Variants in CECR2 observed in about 807,000 individuals in gnomAD.
CECR2 encodes chromatin remodeling regulator CECR2.
Under a neutral mutation model 154.5 loss-of-function variants are expected in CECR2, and 30 were observed. The ratio of observed to expected loss-of-function variants is 0.19; its 90% CI spans 0.15 to 0.26. The LOEUF is 0.26. Among genes scored for constraint, CECR2 ranks in the 10% least tolerant of loss-of-function variants. The pLI, the probability that CECR2 is intolerant of heterozygous loss-of-function variation, is 1.00. For synonymous variants in CECR2, 725 were observed against 683.7 expected, an observed-to-expected ratio of 1.06 and a Z score of -0.94; for missense variants, 1,743 against 1,829.3, an observed-to-expected ratio of 0.95 and a Z score of 0.86.
rs35473694 is a variant in CECR2, at chr22:17,449,483, C to CTTTTTT, written c.127-28086_127-28081dup. ...CCGCACATCTAATTGGTAACCAGTTCTTTTTTTTTTTTTTTTTTTTTTTTG... is the reference window on the plus strand; with the variant it reads ...CCGCACATCTAATTGGTAACCAGTTCTTTTTTTTTTTTTTTTTTTTTTTTTTTTTTG... On this transcript the variant is annotated intron_variant, in intron 1 of 18. Coordinates refer to ENST00000262608, the MANE Select transcript of CECR2 (RefSeq NM_001290047.2). Among the ~76,000 whole-genome samples the CTTTTTT allele has an allele frequency of 5.0e-3, 359 of 71,452 alleles. 30 individuals carry two copies. Among genetic ancestry groups the CTTTTTT allele is most frequent in the African/African-American group, 0.014 (230 of 16,960 alleles). The allele number at this position is 71,452 out of a possible 152,430, so 46.9% of individuals were successfully genotyped here. A position where few individuals can be genotyped will look rare whatever the true frequency, so the allele number is the denominator to read the frequency against.
intron 2 of CECR2, among the ~76,000 whole-genome samples, chr22:17,490,475 C>T (rs1205940554): frequency 1.3e-5 from 2 of 152,112 alleles, no homozygotes; most frequent in Non-Finnish European, 2.9e-5. Context: ...TGCTCTGTCA[C>T]CCAGGCTGGA....
At chr22:17,488,778 C>T (rs1222082576) in intron 2 of CECR2, among the ~76,000 whole-genome samples, 2 of 152,172 alleles carry the variant, frequency 1.3e-5, no homozygotes, top group African/African-American at 2.4e-5. Flanking sequence ...CATTTGCATA[C>T]AAATGCTTGT....
intron 1 of CECR2, among the ~76,000 whole-genome samples, chr22:17,476,507 C>T (rs182139076): frequency 1.1e-4 from 16 of 152,196 alleles, no homozygotes; most frequent in African/African-American, 3.6e-4. Context: ...AGTGAGCCAC[C>T]ATGCCTGGCC....
chr22:17,460,775 A>G (rs1238118406), intron 1 of CECR2, among the ~76,000 whole-genome samples: 2 of 152,148 alleles, frequency 1.3e-5, no homozygotes, highest in East Asian at 1.9e-4. Context: ...GCTGCAGCCT[A>G]TCTTTTCACA....
chr22:17,519,290 GTGT>G (rs1409562030), intron 8 of CECR2, among the ~76,000 whole-genome samples: 276 of 99,070 alleles, frequency 2.8e-3, no homozygotes, highest in African/African-American at 8.0e-3. Context: ...CAGGTGTTTT[GTGT>G]TTTTTTTTTT....
intron 1 of CECR2, among the ~76,000 whole-genome samples, chr22:17,379,582 GT>G (rs2063161997): frequency 3.0e-4 from 6 of 19,872 alleles, no homozygotes; most frequent in African/African-American, 2.2e-3. Context: ...TACGTTGAAG[GT>G]GTGTGTGTGT....
chr22:17,490,910 G>A (rs1346115464), intron 2 of CECR2, among the ~76,000 whole-genome samples: 6 of 151,690 alleles, frequency 4.0e-5, no homozygotes, highest in East Asian at 1.9e-4. Flanking sequence ...ACTTCCCAGC[G>A]TCACTATTCT....
intron 1 of CECR2, among the ~76,000 whole-genome samples, chr22:17,470,392 C>CAAAAAAAA: frequency 1.0e-5 from 1 of 99,848 alleles, no homozygotes; most frequent in Non-Finnish European, 2.2e-5. Context: ...GACTCCGTCT[C>CAAAAAAAA]AAAAAAAAAA....
At chr22:17,384,544 C>G (rs905335364) in intron 1 of CECR2, among the ~76,000 whole-genome samples, 6 of 152,148 alleles carry the variant, frequency 3.9e-5, no homozygotes, top group African/African-American at 7.2e-5. Flanking sequence ...TGTCAGTTAG[C>G]AGTAATATTT....
At chr22:17,511,744 G>A in intron 7 of CECR2, 69 bp from the exon 8 acceptor site, 3 of 1,344,198 alleles carry the variant, frequency 2.2e-6, no homozygotes, top group Admixed American at 1.8e-5. Context: ...GGCAGCAGCA[G>A]CAGCAGCATC....
chr22:17,483,871 C>T (rs1293315039), intron 2 of CECR2, among the ~76,000 whole-genome samples: 1 of 152,216 alleles, frequency 6.6e-6, no homozygotes, highest in Non-Finnish European at 1.5e-5. Context: ...CTGCAAGCTG[C>T]ACTCATGACA....
chr22:17,540,843 T>G (rs1338635312), intron 14 of CECR2, 43 bp downstream of exon 14: 1 of 1,500,182 alleles, frequency 6.7e-7, no homozygotes, highest in East Asian at 2.3e-5. Context: ...TCCTAGTTTG[T>G]GAGTTCATAG....
At chr22:17,444,990 A>G (rs2054637303) in intron 1 of CECR2, among the ~76,000 whole-genome samples, 1 of 152,286 alleles carries the variant, frequency 6.6e-6, no homozygotes, top group Non-Finnish European at 1.5e-5. Flanking sequence ...TCTTTGAAGA[A>G]CTGATTTGAT....
chr22:17,525,285 C>CAAAAAAAAAAAAAAAA lies in CECR2; in HGVS notation c.1108+1014_1108+1015insAAAAAAAAAAAAAAAA, dbSNP rs1569142080. Among the ~76,000 whole-genome samples, 34 of 32,324 alleles carry CAAAAAAAAAAAAAAAA rather than the reference C, an allele frequency of 1.1e-3. 10 individuals are homozygous for CAAAAAAAAAAAAAAAA. The highest frequency in any genetic ancestry group is 2.2e-3 in the African/African-American group (18 of 8,190). The allele number at this position is 32,324 out of a possible 152,430, so 21.2% of individuals were successfully genotyped here. ...GGGCAACAAGAGTGAAACTCCATCT[C>CAAAAAAAAAAAAAAAA]CAAAAAAAAAAAAAAAAAAAAAAAA... On this transcript the variant is annotated intron_variant, in intron 9 of 18. Transcript: ENST00000262608.
At chr22:17,413,169 C>T (rs1197637131) in intron 1 of CECR2, among the ~76,000 whole-genome samples, 1 of 152,064 alleles carries the variant, frequency 6.6e-6, no homozygotes, top group Non-Finnish European at 1.5e-5. Context: ...AATGGACCTC[C>T]CATAAGGGAA....
intron 1 of CECR2, among the ~76,000 whole-genome samples, chr22:17,360,820 G>C (rs1416463047): frequency 6.6e-6 from 1 of 150,712 alleles, no homozygotes; most frequent in Non-Finnish European, 1.5e-5. Context: ...CTCCAGCCTG[G>C]GCAATAAAGT....
Position 17,492,896 on chromosome 22 carries a change from T to TA in CECR2, c.222-4502dup, listed in dbSNP as rs201878193. ...CCAGGTAATCTAAACTTGAGAAGCT[T>TA]AAAAATATGTACACATTAGTTTTTA... On this transcript the variant is annotated intron_variant, in intron 2 of 18. Transcript: ENST00000262608. Among the ~76,000 whole-genome samples the TA allele has an allele frequency of 5.9e-3, 902 of 152,344 alleles. 14 individuals carry two copies. Among genetic ancestry groups the TA allele is most frequent in the African/African-American group, 0.02 (836 of 41,574 alleles).
At chr22:17,518,653 T>C in intron 8 of CECR2, 1 of 442,674 alleles carries the variant, frequency 2.3e-6, no homozygotes, top group East Asian at 7.4e-5. Flanking sequence ...CAGATTGAAT[T>C]TGCTGAACCA....
intron 1 of CECR2, chr22:17,418,983 C>A: frequency 5.2e-6 from 1 of 192,908 alleles, no homozygotes; most frequent in Middle Eastern, 2.3e-3. Context: ...CGCCTCGCCT[C>A]AGGGGACACT....
Sources: allele counts gnomAD v4.1 joint callset (sites outside exome capture counted in the v4.1 genomes callset), GRCh38; gene constraint gnomAD v4.1.1; transcripts MANE v1.5; gene names NCBI Gene and HGNC (gene_info 2026-07-23, HGNC 2026-07-21).